SLCO3A1: variants seen among roughly 807,000 people sequenced by gnomAD.
The protein encoded by SLCO3A1 is PGE1 transporter.
A neutral mutation model predicts 63.1 loss-of-function variants in SLCO3A1; 27 were observed. The ratio of observed to expected loss-of-function variants is 0.43; its 90% confidence interval spans 0.32 to 0.59. SLCO3A1 has a LOEUF of 0.59. Ranked by LOEUF, SLCO3A1 falls within the 20% of genes least tolerant of loss-of-function variation. SLCO3A1 has a pLI of 0.09. For missense variants in SLCO3A1, 773 were observed against 945.8 expected (o/e 0.82, Z 2.40); for synonymous variants, 473 against 409.9 (o/e 1.15, Z -1.86).
chr15:91,901,685 C>T (rs1898161269), intron 1 of SLCO3A1, among the ~76,000 whole-genome samples: 2 of 152,122 alleles, frequency 1.3e-5, no homozygotes, highest in South Asian at 4.1e-4. Flanking sequence ...AATGAAAAGT[C>T]AGCTCTTAAT....
chr15:91,993,756 G>A (rs1486397353), intron 2 of SLCO3A1, among the ~76,000 whole-genome samples: 4 of 152,172 alleles, frequency 2.6e-5, no homozygotes, highest in Non-Finnish European at 5.9e-5. Context: ...TAACCAATAA[G>A]ATAATATGGA....
chr15:92,172,120 G>T, exon 11 of SLCO3A1: 1 of 387,824 alleles, frequency 2.6e-6, no homozygotes, highest in Non-Finnish European at 4.6e-6. Flanking sequence ...TGCTGACCTG[G>T]TGTGCAAATT....
chr15:92,046,235 CTGGG>C (rs1597254592), intron 2 of SLCO3A1, among the ~76,000 whole-genome samples: 1 of 152,080 alleles, frequency 6.6e-6, no homozygotes, highest in East Asian at 1.9e-4. Context: ...TTATTGTCGG[CTGGG>C]CGTGGTGGGT....
rs763985477 is a variant in SLCO3A1, at chr15:92,163,755, A to G, written c.*620A>G. 8 of 985,324 alleles carry G rather than the reference A, an allele frequency of 8.1e-6. No homozygotes were observed. Among genetic ancestry groups the G allele is most frequent in the African/African-American group, 1.7e-5 (1 of 57,212 alleles). 61.0% of individuals were successfully genotyped at this position (985,324 alleles called of 1,614,324 possible). On this transcript the variant is annotated 3_prime_UTR_variant, in exon 10 of 10. Coordinates refer to ENST00000318445, the MANE Select transcript of SLCO3A1 (RefSeq NM_013272.4). ...CAGTCTGCATGTGGTTCAAGGCCCC[A>G]GAGTTCTCTCAGTGATGCTAATGGG...
At chr15:92,071,051 G>C (rs2047209722) in intron 2 of SLCO3A1, among the ~76,000 whole-genome samples, 1 of 152,140 alleles carries the variant, frequency 6.6e-6, no homozygotes, top group Non-Finnish European at 1.5e-5. Flanking sequence ...AGAAAGCCAG[G>C]ATTAAAGGGG....
At chr15:92,006,267 T>G (rs1410402802) in intron 2 of SLCO3A1, among the ~76,000 whole-genome samples, 1 of 152,206 alleles carries the variant, frequency 6.6e-6, no homozygotes, top group African/African-American at 2.4e-5. Context: ...CCATCCTGGT[T>G]CTAAGAGCAG....
Position 92,164,098 on chromosome 15 carries a change from T to G in SLCO3A1, c.*963T>G. ...TGTATGTATAATCCTCTAATACTAT[T>G]TTTAACTACTTCTAAAATCTGTGTT... On this transcript the variant is annotated 3_prime_UTR_variant, in exon 10 of 10. Coordinates refer to ENST00000318445, the MANE Select transcript of SLCO3A1 (RefSeq NM_013272.4). 1 of 979,668 alleles carries G rather than the reference T, an allele frequency of 1.0e-6. No homozygotes were observed. Among genetic ancestry groups the G allele is most frequent in the Non-Finnish European group, 1.2e-6 (1 of 824,626 alleles). 60.7% of individuals were successfully genotyped at this position (979,668 alleles called of 1,614,324 possible). A position where few individuals can be genotyped will look rare whatever the true frequency, so the allele number is the denominator to read the frequency against.
chr15:91,988,514 G>C (rs2046083796), intron 2 of SLCO3A1, among the ~76,000 whole-genome samples: 1 of 151,314 alleles, frequency 6.6e-6, no homozygotes. Flanking sequence ...ACATGGGATG[G>C]TTCAGCATGA....
intron 7 of SLCO3A1, among the ~76,000 whole-genome samples, chr15:92,133,817 A>G (rs1190979031): frequency 1.8e-5 from 2 of 111,496 alleles, no homozygotes; most frequent in East Asian, 3.9e-4. Flanking sequence ...AAAGCGCATG[A>G]TAAATGTGAT....
At chr15:91,997,201 C>T (rs986622885) in intron 2 of SLCO3A1, among the ~76,000 whole-genome samples, 2 of 152,162 alleles carry the variant, frequency 1.3e-5, no homozygotes, top group East Asian at 3.9e-4. Flanking sequence ...TTTCTATACA[C>T]AAATAACATT....
Position 91,894,559 on chromosome 15 carries a change from G to A in SLCO3A1, c.181-21434G>A, listed in dbSNP as rs1289519824. 6.6e-6 allele frequency among the ~76,000 whole-genome samples: 1 copy of A among 152,174 alleles called. No individual in the cohort carries two copies. Among genetic ancestry groups the A allele is most frequent in the Non-Finnish European group, 1.5e-5 (1 of 68,030 alleles). ...ATGTCTGAAGGCAGCAGAGGCAATGGAGGAGGGTCCCCAGCACTGTGTTGC... is the reference window on the plus strand; with the variant it reads ...ATGTCTGAAGGCAGCAGAGGCAATGAAGGAGGGTCCCCAGCACTGTGTTGC... On this transcript the variant is annotated intron_variant, in intron 1 of 9. Coordinates refer to ENST00000318445, the MANE Select transcript of SLCO3A1 (RefSeq NM_013272.4). This position sits in a 1 kb window ranked among gnomAD's most constrained non-coding sequence, Gnocchi z 4.8.
intron 7 of SLCO3A1, among the ~76,000 whole-genome samples, chr15:92,139,531 GA>G (rs2048101493): frequency 6.6e-6 from 1 of 151,740 alleles, no homozygotes; most frequent in Non-Finnish European, 1.5e-5. Flanking sequence ...CTATTGATTG[GA>G]ATAGTTTCAG....
chr15:91,881,676 G>A (rs897566502), intron 1 of SLCO3A1, among the ~76,000 whole-genome samples: 1 of 152,134 alleles, frequency 6.6e-6, no homozygotes. Context: ...GTCAGTCAGC[G>A]AGCCAGTCAG....
chr15:91,870,528 G>A (rs1897258873), intron 1 of SLCO3A1, among the ~76,000 whole-genome samples: 1 of 152,144 alleles, frequency 6.6e-6, no homozygotes, highest in Non-Finnish European at 1.5e-5. Context: ...ATAGTTTTTG[G>A]AACTGGATGT....
At position 92,094,949 on chromosome 15, in the gene SLCO3A1, A is replaced by G. The variant is rs1420304794; in HGVS notation, c.715A>G (p.Ile239Val). ...GFILGSFCTK[I>V]YVDAVFIDTS... ...TATCCTGGGCTCTTTCTGTACCAAAATCTACGTGGATGCGGTCTTCATTGA... is the reference window on the plus strand; with the variant it reads ...TATCCTGGGCTCTTTCTGTACCAAAGTCTACGTGGATGCGGTCTTCATTGA... The change falls in exon 3 of 10, where the codon ATC becomes GTC. Residue 239 changes from isoleucine (I) to valine (V), a missense_variant. By Grantham distance (29) the Ile-to-Val change is conservative. Around this residue, in one of 3 missense-constraint regions of SLCO3A1, gnomAD observed 565 missense variants for 749.8 expected, o/e 0.75. Transcript: ENST00000318445. 1 of 1,612,912 alleles carries G rather than the reference A, an allele frequency of 6.2e-7. No homozygotes were observed. The highest frequency in any genetic ancestry group is 1.1e-5 in the South Asian group (1 of 91,056).
intron 2 of SLCO3A1, among the ~76,000 whole-genome samples, chr15:91,921,040 G>T (rs1188742337): frequency 6.6e-6 from 1 of 152,188 alleles, no homozygotes; most frequent in African/African-American, 2.4e-5. Context: ...TGCTAGGGCT[G>T]CCCTAAGCAA....
intron 1 of SLCO3A1, among the ~76,000 whole-genome samples, chr15:91,871,842 G>A (rs1386394275): frequency 7.2e-6 from 1 of 138,942 alleles, no homozygotes; most frequent in Non-Finnish European, 1.5e-5. Context: ...TTTAGGAAGA[G>A]TGAGATTTTA....
At chr15:91,869,211 G>A (rs923097048) in intron 1 of SLCO3A1, among the ~76,000 whole-genome samples, 7 of 151,680 alleles carry the variant, frequency 4.6e-5, no homozygotes, top group African/African-American at 1.7e-4. Flanking sequence ...GACCAGCCTG[G>A]GCAACATAGG....
chr15:91,885,559 A>C lies in SLCO3A1; in HGVS notation c.181-30434A>C, dbSNP rs1196384352. ...GGGCCCAAGATCCTCACAGTCTTTT[A>C]GGGATGCTTAGAATTGGCCCTTGGT... On this transcript the variant is annotated intron_variant, in intron 1 of 9. Transcript: ENST00000318445. This position sits in a 1 kb window ranked among gnomAD's most constrained non-coding sequence, Gnocchi z 4.7. 6.6e-6 allele frequency among the ~76,000 whole-genome samples: 1 copy of C among 152,232 alleles called. No homozygotes were observed. Among genetic ancestry groups the C allele is most frequent in the African/African-American group, 2.4e-5 (1 of 41,470 alleles).
Sources: gnomAD v4.1 joint callset for allele counts (sites outside exome capture counted in the v4.1 genomes callset) on GRCh38, gnomAD v4.1.1 for gene constraint, gnomAD v4.1.1 regional missense constraint, Gnocchi (gnomAD v3.1) non-coding constraint, MANE v1.5 for transcripts, NCBI Gene and HGNC (gene_info 2026-07-23, HGNC 2026-07-21) for gene names.